The following CSMD1 variants were observed in gnomAD, a reference collection of about 807,000 sequenced individuals.
CSMD1 encodes the protein CUB and sushi domain-containing protein 1.
A neutral mutation model predicts 417.5 loss-of-function variants in CSMD1; 213 were observed. That is an observed-to-expected ratio of 0.51 (90% CI 0.46 to 0.57). The LOEUF is 0.57. Among genes scored for constraint, CSMD1 ranks in the 20% least tolerant of loss-of-function variants. The pLI is 0.00. For missense variants in CSMD1, 6,923 were observed against 4,529.7 expected, an observed-to-expected ratio of 1.53 and a Z score of -15.17; for synonymous variants, 2,862 against 1,736.8, an observed-to-expected ratio of 1.65 and a Z score of -16.11.
chr8:3,512,482 A>C (rs1051318561), intron 10 of CSMD1, among the ~76,000 whole-genome samples: 1 of 151,570 alleles, frequency 6.6e-6, no homozygotes, highest in Non-Finnish European at 1.5e-5. Context: ...ATGCTGTAAG[A>C]GGCACTGAAA....
intron 21 of CSMD1, among the ~76,000 whole-genome samples, chr8:3,350,023 ATGTG>A: frequency 6.9e-6 from 1 of 144,984 alleles, no homozygotes; most frequent in East Asian, 2.0e-4. Context: ...TAACTTGTGT[ATGTG>A]TGTGTTATAA....
rs1417817650 is a variant in CSMD1 at position 4,639,554 on chromosome 8, T to C, written c.86-1996A>G. ...TCTTAATATGCCCATTTCCCACTAATGTGCTTTAAATGTATTTAAATGTTT... is the reference window on the plus strand; with the variant it reads ...TCTTAATATGCCCATTTCCCACTAACGTGCTTTAAATGTATTTAAATGTTT... On this transcript the variant is annotated intron_variant, in intron 1 of 69. Transcript: ENST00000635120. Among the ~76,000 whole-genome samples the C allele has an allele frequency of 3.3e-5, 5 of 152,330 alleles. No homozygotes were observed. In the East Asian group the frequency reaches 9.6e-4, roughly 29 times the overall value.
chr8:4,019,960 A>G (rs1000416250), intron 4 of CSMD1, among the ~76,000 whole-genome samples: 2 of 151,192 alleles, frequency 1.3e-5, no homozygotes, highest in African/African-American at 4.9e-5. Flanking sequence ...ACCAATATTG[A>G]GATCCTGTAG....
At chr8:3,305,104 C>A (rs1360371000) in intron 25 of CSMD1, among the ~76,000 whole-genome samples, 2 of 151,968 alleles carry the variant, frequency 1.3e-5, no homozygotes, top group African/African-American at 4.8e-5. Flanking sequence ...CAGCCTTGAC[C>A]AACTGGGCTC....
intron 1 of CSMD1, among the ~76,000 whole-genome samples, chr8:4,688,082 G>C (rs1806505329): frequency 6.6e-6 from 1 of 152,032 alleles, no homozygotes; most frequent in African/African-American, 2.4e-5. Flanking sequence ...CTCTTACCCA[G>C]TTTTAAAGCT....
At chr8:3,204,347 G>T (rs1198849727) in intron 31 of CSMD1, among the ~76,000 whole-genome samples, 1 of 151,746 alleles carries the variant, frequency 6.6e-6, no homozygotes, top group Non-Finnish European at 1.5e-5. Flanking sequence ...ATGTTTCCAT[G>T]AACAGAAGAC....
In CSMD1 at chr8:4,311,812, G is replaced by C. The variant is rs556853068; in HGVS notation, c.415+108141C>G. Reference sequence around the variant, plus strand: ...GAACAACACACACTAGGGCCTAGTGGATGGTGGAGAGTGCGAAGGAGAGGA... The same window carrying C: ...GAACAACACACACTAGGGCCTAGTGCATGGTGGAGAGTGCGAAGGAGAGGA... On this transcript the variant is annotated intron_variant, in intron 3 of 69. Transcript: ENST00000635120. Among the ~76,000 whole-genome samples, 36 of 152,006 alleles carry C rather than the reference G, an allele frequency of 2.4e-4. No individual in the cohort carries two copies. The East Asian group carries it at 6.2e-3, about 26-fold the overall frequency.
Position 3,167,393 on chromosome 8 carries a change from T to G in CSMD1, c.5726-5116A>C, listed in dbSNP as rs185872494. Among the ~76,000 whole-genome samples the G allele has an allele frequency of 1.1e-3, 162 of 152,224 alleles. 2 individuals are homozygous for G. Among genetic ancestry groups the G allele is most frequent in the South Asian group, 6.6e-3 (32 of 4,818 alleles). On this transcript the variant is annotated intron_variant, in intron 37 of 69. Transcript: ENST00000635120. ...TTTGTGCCAACCTAATACATGACTC[T>G]GAATGCCCAGGTGCCCTGATTAAAT... is the stretch of plus-strand genomic sequence containing the variant.
intron 40 of CSMD1, among the ~76,000 whole-genome samples, chr8:3,146,007 T>C (rs1304952129): frequency 2.0e-5 from 3 of 152,356 alleles, no homozygotes; most frequent in African/African-American, 7.2e-5. Context: ...CTGTGAATAT[T>C]ACTTCCTCTG....
At chr8:4,182,426 C>A (rs919680547) in intron 3 of CSMD1, among the ~76,000 whole-genome samples, 2 of 152,030 alleles carry the variant, frequency 1.3e-5, no homozygotes, top group African/African-American at 4.8e-5. Flanking sequence ...CTGCCCAGCC[C>A]ACTTATATAA....
intron 26 of CSMD1, among the ~76,000 whole-genome samples, chr8:3,255,485 G>T (rs773945703): frequency 6.6e-6 from 1 of 152,198 alleles, no homozygotes; most frequent in African/African-American, 2.4e-5. Context: ...ACAGAGGCAG[G>T]CAGGCCTCCT....
chr8:4,241,235 T>C (rs1176410046), intron 3 of CSMD1, among the ~76,000 whole-genome samples: 1 of 152,206 alleles, frequency 6.6e-6, no homozygotes, highest in Non-Finnish European at 1.5e-5. Flanking sequence ...GAATAGAATT[T>C]GACACCCTTC....
chr8:4,511,918 G>C (rs1156347768), intron 2 of CSMD1, among the ~76,000 whole-genome samples: 1 of 152,068 alleles, frequency 6.6e-6, no homozygotes, highest in Non-Finnish European at 1.5e-5. Context: ...TTTTTGCAGA[G>C]CATTTCATTC....
At chr8:3,781,527 T>C (rs1242419810) in intron 5 of CSMD1, among the ~76,000 whole-genome samples, 1 of 152,108 alleles carries the variant, frequency 6.6e-6, no homozygotes, top group East Asian at 1.9e-4. Flanking sequence ...TGGACATGGA[T>C]ATATGGTCTA....
intron 7 of CSMD1, among the ~76,000 whole-genome samples, chr8:3,660,392 G>C (rs1261617057): frequency 6.6e-6 from 1 of 151,342 alleles, no homozygotes; most frequent in Non-Finnish European, 1.5e-5. Context: ...AGTAATCCAC[G>C]TATGTTGGCA....
rs148141144 is a variant in CSMD1, at chr8:4,053,832, G to C, written c.416-21733C>G. Among the ~76,000 whole-genome samples, 632 of 152,044 alleles carry C rather than the reference G, an allele frequency of 4.2e-3. 5 individuals carry two copies. Among genetic ancestry groups the C allele is most frequent in the African/African-American group, 0.015 (606 of 41,482 alleles). ...TAAAGCTTTACAAAAATGTTCAGTAGCTTTTACTAGTAGGTTGGTTTATAT... is the reference window on the plus strand; with the variant it reads ...TAAAGCTTTACAAAAATGTTCAGTACCTTTTACTAGTAGGTTGGTTTATAT... On this transcript the variant is annotated intron_variant, in intron 3 of 69. Coordinates refer to ENST00000635120, the MANE Select transcript of CSMD1 (RefSeq NM_033225.6).
At position 4,757,073 on chromosome 8, in the gene CSMD1, G is replaced by T. The variant is rs114776422; in HGVS notation, c.86-119515C>A. Among the ~76,000 whole-genome samples, 925 of 152,308 alleles carry T rather than the reference G, an allele frequency of 6.1e-3. 7 individuals carry two copies. The highest frequency in any genetic ancestry group is 0.021 in the African/African-American group (872 of 41,570). On this transcript the variant is annotated intron_variant, in intron 1 of 69. Coordinates refer to ENST00000635120, the MANE Select transcript of CSMD1 (RefSeq NM_033225.6). ...GTGTTTAAGAAACTGAAACAGAAAT[G>T]GCAAGAAACAGGATAAGTAGGACAA...
chr8:3,340,986 C>G (rs555571769), intron 23 of CSMD1, among the ~76,000 whole-genome samples: 20 of 152,310 alleles, frequency 1.3e-4, no homozygotes, highest in African/African-American at 4.8e-4. Context: ...ATTTGTGCTA[C>G]TATGTAATCA....
chr8:3,894,093 C>T (rs1253950618), intron 5 of CSMD1, among the ~76,000 whole-genome samples: 1 of 152,206 alleles, frequency 6.6e-6, no homozygotes, highest in Non-Finnish European at 1.5e-5. Context: ...TTGTCTCTTT[C>T]ACGGTGTTCC....
Sources: allele counts gnomAD v4.1 joint callset (sites outside exome capture counted in the v4.1 genomes callset), GRCh38; gene constraint gnomAD v4.1.1; transcripts MANE v1.5; gene names NCBI Gene and HGNC (gene_info 2026-07-23, HGNC 2026-07-21).